Variants in EFR3B observed in about 807,000 individuals in gnomAD.
EFR3B encodes protein EFR3 homolog B.
Under a neutral mutation model 104.7 loss-of-function variants are expected in EFR3B, and 64 were observed. The ratio of observed to expected loss-of-function variants is 0.61; its 90% CI spans 0.50 to 0.75. The LOEUF is 0.75. Among genes scored for constraint, EFR3B ranks in the 30% least tolerant of loss-of-function variants. The probability of loss-of-function intolerance (pLI) is 0.00; values close to 1 mark genes in which losing one functional copy is unlikely to be tolerated. For missense variants in EFR3B, 750 were observed against 1,078.5 expected (o/e 0.70, Z 4.27); for synonymous variants, 385 against 417.9 (o/e 0.92, Z 0.96).
Position 25,092,999 on chromosome 2 carries a change from A to G in EFR3B, c.85-4A>G, listed in dbSNP as rs1669175487. ...TAGTGAGCACAAGCTGTTTTCTCCT[A>G]CAGGATGGTCTGGTGAAGACCAACA... On this transcript the variant is annotated splice_region_variant and splice_polypyrimidine_tract_variant and intron_variant, in intron 2 of 22. Transcript: ENST00000403714. 7.8e-6 allele frequency: 12 copies of G among 1,544,214 alleles called. No individual in the cohort carries two copies. Among genetic ancestry groups the G allele is most frequent in the Non-Finnish European group, 7.8e-6 (9 of 1,146,910 alleles).
intron 19 of EFR3B, chr2:25,146,904 C>A (rs1261341404): frequency 2.6e-5 from 4 of 152,378 alleles, no homozygotes; most frequent in African/African-American, 9.6e-5. Context: ...ATCCTGGTGC[C>A]TGGCATTCCC....
intron 1 of EFR3B, among the ~76,000 whole-genome samples, chr2:25,048,080 A>G (rs1443237423): frequency 6.6e-6 from 1 of 152,146 alleles, no homozygotes; most frequent in Non-Finnish European, 1.5e-5. Flanking sequence ...CAGTGACACT[A>G]TCATGGCTTA....
At chr2:25,134,442 T>C (rs1670466941) in intron 12 of EFR3B, among the ~76,000 whole-genome samples, 1 of 152,158 alleles carries the variant, frequency 6.6e-6, no homozygotes, top group African/African-American at 2.4e-5. Context: ...AGTGTTGGGA[T>C]TACAGGCATG....
At chr2:25,081,397 A>G in intron 1 of EFR3B, 3 of 1,128,696 alleles carry the variant, frequency 2.7e-6, no homozygotes, top group Non-Finnish European at 2.7e-6. Context: ...TATCCTGCAC[A>G]TGTTATTTCT....
chr2:25,116,201 T>C (rs1669854588), intron 4 of EFR3B: 1 of 152,230 alleles, frequency 6.6e-6, no homozygotes. Context: ...CTAAGCCTCT[T>C]AGAATAAGAA....
chr2:25,060,829 G>GA (rs908724586), intron 1 of EFR3B, among the ~76,000 whole-genome samples: 1 of 152,052 alleles, frequency 6.6e-6, no homozygotes, highest in African/African-American at 2.4e-5. Context: ...GCTGAGGCAG[G>GA]AGAATGGTGT....
chr2:25,106,708 G>A (rs1669574292), intron 4 of EFR3B, among the ~76,000 whole-genome samples: 1 of 152,188 alleles, frequency 6.6e-6, no homozygotes, highest in Non-Finnish European at 1.5e-5. Flanking sequence ...CTCCCAAAGT[G>A]CTGGGATTAC....
rs1415607135 is a variant in EFR3B, at chr2:25,042,613, G to A, written c.7+294G>A. The A allele has an allele frequency of 4.3e-6, 5 of 1,176,028 alleles. No homozygotes were observed. The East Asian group carries it at 1.1e-4, about 26-fold the overall frequency. 72.8% of individuals were successfully genotyped at this position (1,176,028 alleles called of 1,614,324 possible). On this transcript the variant is annotated intron_variant, in intron 1 of 22. Coordinates refer to ENST00000403714, the MANE Select transcript of EFR3B (RefSeq NM_014971.2). This position sits in a 1 kb window ranked among gnomAD's most constrained non-coding sequence, Gnocchi z 5.4. ...CGGGTCTCCCGGAGCCGAGCAGACC[G>A]GGAGTGCTGGAGGAGGTGGTCGTGT...
intron 6 of EFR3B, among the ~76,000 whole-genome samples, chr2:25,129,691 G>C (rs1670275685): frequency 6.6e-6 from 1 of 152,154 alleles, no homozygotes; most frequent in African/African-American, 2.4e-5. Flanking sequence ...CCTGGCCCAT[G>C]GGGCTCAGAG....
At chr2:25,067,313 T>C (rs1397617446) in intron 1 of EFR3B, among the ~76,000 whole-genome samples, 1 of 152,222 alleles carries the variant, frequency 6.6e-6, no homozygotes, top group East Asian at 1.9e-4. Flanking sequence ...TCTTTGTTCA[T>C]GACAGCATAT....
intron 1 of EFR3B, among the ~76,000 whole-genome samples, chr2:25,090,571 C>T (rs886787610): frequency 6.6e-6 from 1 of 152,190 alleles, no homozygotes; most frequent in Non-Finnish European, 1.5e-5. Flanking sequence ...CAGATTGGTG[C>T]AAACCTCACT....
intron 1 of EFR3B, among the ~76,000 whole-genome samples, chr2:25,072,170 C>T (rs1227106619): frequency 3.9e-5 from 6 of 152,248 alleles, no homozygotes; most frequent in African/African-American, 1.4e-4. Flanking sequence ...GCTTCTCCCT[C>T]TGCGTGTTGG....
Position 25,131,872 on chromosome 2 carries a change from G to C in EFR3B, c.1108G>C (p.Glu370Gln), listed in dbSNP as rs1381327867. Residue 370 changes from glutamate (E) to glutamine (Q), a missense_variant, in exon 10 of 23, where the codon GAG becomes CAG. Transcript: ENST00000403714. The surrounding 1 kb of genome is among the most constrained non-coding windows in gnomAD (Gnocchi z 7.6). ...SLGTKIIKEH[E>Q]ERMFQEAVIK... is the part of the protein sequence containing the mutation. Reference sequence around the variant, plus strand: ...CGGCACCAAGATCATCAAGGAGCACGAGGAGCGCATGTTCCAGGAGGCCGT... The same window carrying C: ...CGGCACCAAGATCATCAAGGAGCACCAGGAGCGCATGTTCCAGGAGGCCGT... 4.5e-6 allele frequency: 7 copies of C among 1,547,344 alleles called. No homozygotes were observed. The highest frequency in any genetic ancestry group is 6.1e-6 in the Non-Finnish European group (7 of 1,145,474).
In EFR3B at chr2:25,131,509, G is replaced by A. The variant is rs1670332911; in HGVS notation, c.985+6G>A. ...CGCTGCCACCGGCTCTGTGGGTAAG[G>A]GGCATGGCTAGGGCCTGAGGGCCGG... On this transcript the variant is annotated splice_donor_region_variant and intron_variant, in intron 9 of 22. Coordinates refer to ENST00000403714, the MANE Select transcript of EFR3B (RefSeq NM_014971.2). The surrounding 1 kb of genome is among the most constrained non-coding windows in gnomAD (Gnocchi z 7.6). The A allele has an allele frequency of 6.5e-7, 1 of 1,548,968 alleles. No homozygotes were observed. The highest frequency in any genetic ancestry group is 2.4e-5 in the East Asian group (1 of 40,924).
chr2:25,097,607 A>T (rs772719636), intron 3 of EFR3B, among the ~76,000 whole-genome samples: 1 of 152,018 alleles, frequency 6.6e-6, no homozygotes. Context: ...TAGCATGGGG[A>T]CGGCGGTGGG....
intron 4 of EFR3B, among the ~76,000 whole-genome samples, chr2:25,115,806 G>A (rs1343342512): frequency 3.3e-5 from 5 of 152,216 alleles, no homozygotes; most frequent in Non-Finnish European, 5.9e-5. Context: ...GTTAAGCAGT[G>A]AGTGCCACAG....
chr2:25,107,504 A>G (rs1283503965), intron 4 of EFR3B, among the ~76,000 whole-genome samples: 1 of 152,176 alleles, frequency 6.6e-6, no homozygotes, highest in Non-Finnish European at 1.5e-5. Context: ...TCTGGAGAGG[A>G]GACCTGGGAG....
chr2:25,132,378 G>C (rs1300255875), intron 10 of EFR3B, among the ~76,000 whole-genome samples: 1 of 152,132 alleles, frequency 6.6e-6, no homozygotes, highest in Non-Finnish European at 1.5e-5. Flanking sequence ...ATGAGGAAGG[G>C]GGCCAGCCGC....
At chr2:25,049,730 C>T (rs576466422) in intron 1 of EFR3B, among the ~76,000 whole-genome samples, 93 of 151,862 alleles carry the variant, frequency 6.1e-4, no homozygotes, top group Admixed American at 1.2e-3. Context: ...AGGAAGTGTG[C>T]GTGGAGGTGG....
Sources: gnomAD v4.1 joint callset for allele counts (sites outside exome capture counted in the v4.1 genomes callset) on GRCh38, gnomAD v4.1.1 for gene constraint, Gnocchi (gnomAD v3.1) non-coding constraint, MANE v1.5 for transcripts, NCBI Gene and HGNC (gene_info 2026-07-23, HGNC 2026-07-21) for gene names.